RASGRF1: variants seen among roughly 807,000 people sequenced by gnomAD.
RASGRF1 encodes the protein Ras protein specific guanine nucleotide releasing factor 1, also known as ras-specific guanine nucleotide-releasing factor 1.
In RASGRF1, 40 loss-of-function variants were observed where a neutral mutation model predicts 138.7. The observed-to-expected ratio is 0.29, with a 90% CI of 0.22 to 0.38. The LOEUF is 0.38. Ranked by LOEUF, RASGRF1 falls within the 10% of genes least tolerant of loss-of-function variation. RASGRF1 has a pLI of 1.00. For synonymous variants in RASGRF1, 614 were observed against 663.2 expected, an observed-to-expected ratio of 0.93 and a Z score of 1.14; for missense variants, 1,108 against 1,650.4, an observed-to-expected ratio of 0.67 and a Z score of 5.69.
chr15:79,047,057 C>T, intron 4 of RASGRF1, 58 bp from the exon 5 acceptor site: 1 of 1,575,842 alleles, frequency 6.3e-7, no homozygotes, highest in Non-Finnish European at 8.6e-7. Context: ...CCACTCCTGT[C>T]CTTCCAGGCT....
intron 22 of RASGRF1, chr15:78,985,543 A>C: frequency 4.9e-6 from 1 of 203,940 alleles, no homozygotes; most frequent in Non-Finnish European, 1.0e-5. Context: ...TGAATAACAG[A>C]GAAAGAGATC....
rs533120687 is a variant in RASGRF1, at chr15:78,977,826, A to T, written c.3494+2794T>A. Among the ~76,000 whole-genome samples the T allele has an allele frequency of 2.0e-5, 3 of 152,390 alleles. No individual in the cohort carries two copies. In the East Asian group the frequency reaches 5.8e-4, roughly 29 times the overall value. ...TGCAAGTGTGTGCTCGGTTGAGATT[A>T]GACAGGGTAGTCAAAACTGGAATCG... On this transcript the variant is annotated intron_variant, in intron 24 of 26. Transcript: ENST00000558480.
At chr15:79,017,570 A>T (rs1055141128) in intron 12 of RASGRF1, among the ~76,000 whole-genome samples, 200 bp downstream of exon 12, 1 of 152,164 alleles carries the variant, frequency 6.6e-6, no homozygotes, top group African/African-American at 2.4e-5. Context: ...TTTCAAGGTG[A>T]CCCAGGGGAC....
rs762236376 is a variant in RASGRF1 at position 78,999,755 on chromosome 15, A to C, written c.2734T>G (p.Leu912Val). The stretch of plus-strand genomic sequence containing the variant: ...ACACCCCACATACCTGCACTGGCTA[A>C]GGACATCCTCCGGTACTTCTCCTTG... Reference protein sequence around the residue: ...PNKEKYRRMSLASAGFPPDQR... With the variant: ...PNKEKYRRMSVASAGFPPDQR... Residue 912 changes from leucine to valine, a missense_variant, in exon 17 of 27, where the codon TTA becomes GTA. Physicochemically the swap from Leu to Val is conservative, Grantham distance 32 (BLOSUM62 1). This residue lies in a region of RASGRF1 where 686 missense variants were observed against 976.7 expected (regional missense o/e 0.70). Transcript: ENST00000558480. 14 of 1,613,724 alleles carry C rather than the reference A, an allele frequency of 8.7e-6. No homozygotes were observed. Among genetic ancestry groups the C allele is most frequent in the Middle Eastern group, 1.7e-4 (1 of 5,888 alleles).
In RASGRF1 at chr15:79,046,574, C is replaced by T. The variant is rs529852627; in HGVS notation, c.878+172G>A. 2.6e-5 allele frequency among the ~76,000 whole-genome samples: 4 copies of T among 152,304 alleles called. No individual in the cohort carries two copies. On this transcript the variant is annotated intron_variant, in intron 5 of 26. Transcript: ENST00000558480. The surrounding 1 kb of genome is among the most constrained non-coding windows in gnomAD (Gnocchi z 5.3). The stretch of plus-strand genomic sequence containing the variant: ...CTACATTTGTGCCCCTGCCCCAGAC[C>T]CCACAATTATTGGGGTTGGTGGTTT...
Position 79,002,243 on chromosome 15 carries a change from G to A in RASGRF1, c.2450-456C>T, listed in dbSNP as rs371705547. Among the ~76,000 whole-genome samples, 3 of 151,806 alleles carry A rather than the reference G, an allele frequency of 2.0e-5. No homozygotes were observed. In the East Asian group the frequency reaches 5.8e-4, roughly 29 times the overall value. On this transcript the variant is annotated intron_variant, in intron 15 of 26. Coordinates refer to ENST00000558480, the MANE Select transcript of RASGRF1 (RefSeq NM_001145648.3). ...AGTTTTCCTCTGCTTTTAACCTATTGCCGCGTGCCCCTGGTCACTCTTAAA... is the reference window on the plus strand; with the variant it reads ...AGTTTTCCTCTGCTTTTAACCTATTACCGCGTGCCCCTGGTCACTCTTAAA...
chr15:78,998,025 A>T, intron 19 of RASGRF1, 71 bp downstream of exon 19: 1 of 1,348,498 alleles, frequency 7.4e-7, no homozygotes, highest in Non-Finnish European at 1.0e-6. Flanking sequence ...TGACCAGCCC[A>T]CATGGAGGCA....
intron 4 of RASGRF1, among the ~76,000 whole-genome samples, chr15:79,048,395 C>T (rs13379969): frequency 0.01 from 1,564 of 152,298 alleles, 21 homozygotes; most frequent in African/African-American, 0.035. Flanking sequence ...TGGAGCTTGG[C>T]CGCCAGGGTT....
In RASGRF1 at chr15:79,006,560, A is replaced by C; in HGVS notation, c.1827-126T>G. The stretch of plus-strand genomic sequence containing the variant: ...ACAGGATGGTCTTATTAAGAGAACA[A>C]GCTTGGGAAGGATGACACTGAAGGA... On this transcript the variant is annotated intron_variant, in intron 13 of 26. Transcript: ENST00000558480. This position sits in a 1 kb window ranked among gnomAD's most constrained non-coding sequence, Gnocchi z 4.0. The C allele has an allele frequency of 1.7e-6, 2 of 1,199,624 alleles. No individual in the cohort carries two copies. The highest frequency in any genetic ancestry group is 2.3e-6 in the Non-Finnish European group (2 of 876,608). The allele number at this position is 1,199,624 out of a possible 1,614,324, so 74.3% of individuals were successfully genotyped here.
intron 22 of RASGRF1, 54 bp from the exon 23 acceptor site, chr15:78,985,258 G>T: frequency 6.8e-7 from 1 of 1,462,422 alleles, no homozygotes; most frequent in Non-Finnish European, 9.4e-7. Flanking sequence ...TTGCAAAGAT[G>T]ATAAATGGTC....
At chr15:78,997,021 C>T (rs568031127) in intron 19 of RASGRF1, among the ~76,000 whole-genome samples, 1 of 152,342 alleles carries the variant, frequency 6.6e-6, no homozygotes, top group African/African-American at 2.4e-5. Context: ...CGGTAGGTGC[C>T]CGCCACCCAC....
In RASGRF1 at chr15:79,090,542, C is replaced by T. The variant is rs374099880; in HGVS notation, c.-44G>A. Reference sequence around the variant, plus strand: ...AGACCCCACGCGCTTACATCTTCTCCGCGCAGCAGCCCCCCGTCCGTGCGC... The same window carrying T: ...AGACCCCACGCGCTTACATCTTCTCTGCGCAGCAGCCCCCCGTCCGTGCGC... On this transcript the variant is annotated 5_prime_UTR_variant, in exon 1 of 27. Coordinates refer to ENST00000558480, the MANE Select transcript of RASGRF1 (RefSeq NM_001145648.3). 2.5e-6 allele frequency: 4 copies of T among 1,590,714 alleles called. No homozygotes were observed. Among genetic ancestry groups the T allele is most frequent in the African/African-American group, 2.7e-5 (2 of 74,688 alleles).
In RASGRF1 at chr15:79,090,325, C is replaced by G; in HGVS notation, c.174G>C (p.Ser58=). 1 of 1,613,914 alleles carries G rather than the reference C, an allele frequency of 6.2e-7. No individual in the cohort carries two copies. Among genetic ancestry groups the G allele is most frequent in the Non-Finnish European group, 8.5e-7 (1 of 1,179,968 alleles). The change falls in exon 1 of 27, where the codon TCG becomes TCC. Residue 58 remains serine, a synonymous_variant. Coordinates refer to ENST00000558480, the MANE Select transcript of RASGRF1 (RefSeq NM_001145648.3). The part of the protein sequence containing the change: ...QNLLFYFESD[S]SSRPSGLYLL... ...GGTAAAGCCCCGAGGGCCGCGAGCT[C>G]GAGTCGCTCTCGAAGTAGAAGAGCA...
At position 78,960,824 on chromosome 15, in the gene RASGRF1, G is replaced by C. The variant is rs989029558; in HGVS notation, c.*1320C>G. 1 of 152,174 alleles carries C rather than the reference G, an allele frequency of 6.6e-6. No homozygotes were observed. Among genetic ancestry groups the C allele is most frequent in the Non-Finnish European group, 1.5e-5 (1 of 68,042 alleles). 9.4% of individuals were successfully genotyped at this position (152,174 alleles called of 1,614,324 possible). A position where few individuals can be genotyped will look rare whatever the true frequency, so the allele number is the denominator to read the frequency against. On this transcript the variant is annotated 3_prime_UTR_variant, in exon 27 of 27. Coordinates refer to ENST00000558480, the MANE Select transcript of RASGRF1 (RefSeq NM_001145648.3). The stretch of plus-strand genomic sequence containing the variant: ...GGTGTCCTTGACACTCTGGATCTCC[G>C]GTCCCAGGCTGGGCTGGGTAAGGAG...
rs1437196747 is a variant in RASGRF1 at position 78,998,076 on chromosome 15, G to A, written c.2966+20C>T. On this transcript the variant is annotated intron_variant, in intron 19 of 26. Transcript: ENST00000558480. The stretch of plus-strand genomic sequence containing the variant: ...GTCCCAGCAGGCAGTTCTGAGCCAG[G>A]AACCAGGTACTGCCTTTACCTGATG... The A allele has an allele frequency of 6.3e-7, 1 of 1,593,886 alleles. No individual in the cohort carries two copies. The highest frequency in any genetic ancestry group is 1.1e-5 in the South Asian group (1 of 90,602).
intron 26 of RASGRF1, among the ~76,000 whole-genome samples, chr15:78,963,724 C>T (rs2055590749): frequency 6.6e-6 from 1 of 152,196 alleles, no homozygotes; most frequent in Non-Finnish European, 1.5e-5. Flanking sequence ...GTCTGCTATG[C>T]TGATTAATAG....
At chr15:79,002,070 CA>C (rs1388496210) in intron 15 of RASGRF1, among the ~76,000 whole-genome samples, 3 of 152,178 alleles carry the variant, frequency 2.0e-5, no homozygotes, top group Non-Finnish European at 4.4e-5. Flanking sequence ...AATTCTGATT[CA>C]GGGGTCTCAG....
intron 20 of RASGRF1, among the ~76,000 whole-genome samples, chr15:78,993,931 T>C (rs1418322514): frequency 2.0e-5 from 3 of 152,192 alleles, no homozygotes; most frequent in Admixed American, 2.0e-4. Context: ...TTATAGGCTT[T>C]TGAAAATCCT....
At chr15:79,058,292 GT>G (rs2057537282) in intron 3 of RASGRF1, 41 bp downstream of exon 3, 1 of 1,592,656 alleles carries the variant, frequency 6.3e-7, no homozygotes, top group Non-Finnish European at 8.6e-7. Context: ...GGTTTGAGAT[GT>G]TGTGCCTAGG....
Sources: gnomAD v4.1 joint callset for allele counts (sites outside exome capture counted in the v4.1 genomes callset) on GRCh38, gnomAD v4.1.1 for gene constraint, gnomAD v4.1.1 regional missense constraint, Gnocchi (gnomAD v3.1) non-coding constraint, MANE v1.5 for transcripts, NCBI Gene and HGNC (gene_info 2026-07-23, HGNC 2026-07-21) for gene names.